The following MCF2 variants were observed in gnomAD, a reference collection of about 807,000 sequenced individuals.
The protein encoded by MCF2 is MCF.2 cell line derived transforming sequence.
In MCF2, 44 loss-of-function variants were observed where a neutral mutation model predicts 82.5. The ratio of observed to expected loss-of-function variants is 0.53; its 90% CI spans 0.42 to 0.69. MCF2 has a LOEUF of 0.69. Among genes scored for constraint, MCF2 ranks in the 30% least tolerant of loss-of-function variants. MCF2 has a pLI of 0.00. For synonymous variants in MCF2, 217 were observed against 224.9 expected (o/e 0.96, Z 0.32); for missense variants, 623 against 663.1 (o/e 0.94, Z 0.66).
chrX:139,669,304 A>G (rs1399178218), intron 1 of MCF2, among the ~76,000 whole-genome samples: 1 of 112,349 alleles, frequency 8.9e-6, no homozygotes, highest in Admixed American at 9.4e-5. Context: ...TTTAGTCATT[A>G]GGAAAATGTA....
At chrX:139,609,544 G>T (rs1400465315) in intron 11 of MCF2, among the ~76,000 whole-genome samples, 2 of 108,860 alleles carry the variant, frequency 1.8e-5, no homozygotes, top group African/African-American at 6.7e-5. Context: ...GCGAGACCCT[G>T]TCTCAAAAAA....
intron 1 of MCF2, among the ~76,000 whole-genome samples, chrX:139,697,729 A>G (rs1315780331): frequency 8.9e-6 from 1 of 112,278 alleles, no homozygotes; most frequent in Non-Finnish European, 1.9e-5. Context: ...ATATGTTGCC[A>G]TTTATAGATC....
chrX:139,583,871 T>C (rs1319017378), intron 24 of MCF2, among the ~76,000 whole-genome samples: 1 of 111,848 alleles, frequency 8.9e-6, no homozygotes, highest in Admixed American at 9.5e-5. Context: ...ACTGCAGGTA[T>C]AGACAATTAA....
chrX:139,689,522 G>A (rs964104745), intron 1 of MCF2, among the ~76,000 whole-genome samples: 1 of 109,833 alleles, frequency 9.1e-6, no homozygotes, highest in South Asian at 4.0e-4. Context: ...CATGCCTTAC[G>A]AGGCCCCTCC....
intron 1 of MCF2, among the ~76,000 whole-genome samples, chrX:139,684,474 A>G (rs767510637): frequency 8.9e-6 from 1 of 112,133 alleles, no homozygotes; most frequent in East Asian, 2.8e-4. Context: ...TTCCACACCT[A>G]GATACATACC....
At chrX:139,630,319 A>G (rs1005691557) in intron 3 of MCF2, among the ~76,000 whole-genome samples, 1 of 111,636 alleles carries the variant, frequency 9.0e-6, no homozygotes, top group Non-Finnish European at 1.9e-5. Context: ...GTGATAATTG[A>G]AGGAAACGGG....
intron 1 of MCF2, among the ~76,000 whole-genome samples, chrX:139,672,185 A>G (rs149526691): frequency 8.9e-6 from 1 of 112,525 alleles, no homozygotes; most frequent in East Asian, 2.8e-4. Context: ...ACTTTGCTGA[A>G]GTTGCTTCTC....
chrX:139,668,853 T>A (rs772838448), intron 1 of MCF2, among the ~76,000 whole-genome samples: 1 of 110,950 alleles, frequency 9.0e-6, no homozygotes, highest in East Asian at 2.8e-4. Context: ...TAACAGGATA[T>A]CTACATATGT....
chrX:139,666,499 AT>A lies in MCF2; in HGVS notation c.-44-14712del, dbSNP rs201470212. Reference sequence around the variant, plus strand: ...ATTGGATATAGTATTCTTGGCTGGTATTTTTTTTCTTTCAGCACTTTACATG... The same window carrying A: ...ATTGGATATAGTATTCTTGGCTGGTATTTTTTTCTTTCAGCACTTTACATG... On this transcript the variant is annotated intron_variant, in intron 1 of 27. Transcript: ENST00000414978. Among the ~76,000 whole-genome samples the A allele has an allele frequency of 4.9e-3, 546 of 110,786 alleles. 3 individuals are homozygous for A. The highest frequency in any genetic ancestry group is 0.016 in the African/African-American group (500 of 30,498).
intron 1 of MCF2, among the ~76,000 whole-genome samples, chrX:139,652,822 G>A (rs1934073262): frequency 9.1e-6 from 1 of 109,462 alleles, no homozygotes; most frequent in Non-Finnish European, 1.9e-5. Context: ...CCTTCTCAGT[G>A]CTCCTCAAAT....
At chrX:139,640,575 A>G (rs767741225) in intron 1 of MCF2, among the ~76,000 whole-genome samples, 155 of 111,291 alleles carry the variant, frequency 1.4e-3, no homozygotes, top group Non-Finnish European at 2.7e-3. Flanking sequence ...CTACCAAGTA[A>G]CTAGTTCAAA....
chrX:139,700,441 G>GGGC (rs1268065095), intron 1 of MCF2, among the ~76,000 whole-genome samples: 2 of 112,038 alleles, frequency 1.8e-5, no homozygotes, highest in African/African-American at 6.5e-5. Context: ...GGAAGAAGAA[G>GGGC]ATAACGATAT....
At chrX:139,649,197 T>C (rs1214748881) in intron 2 of MCF2, among the ~76,000 whole-genome samples, 1 of 112,332 alleles carries the variant, frequency 8.9e-6, no homozygotes, top group Non-Finnish European at 1.9e-5. Context: ...CAAATTATTT[T>C]TTAATCAAAC....
At position 139,586,503 on chromosome X, in the gene MCF2, A is replaced by G. The variant is rs1928978250; in HGVS notation, c.2523-16T>C. On this transcript the variant is annotated splice_polypyrimidine_tract_variant and intron_variant, in intron 22 of 24. Coordinates refer to ENST00000370576, the Ensembl canonical transcript of MCF2. ...CTGTTGCTTTCTGAAATAGTGATGT[A>G]TAAAACTAAGTGAGCTTTTGTACAG... 2 of 1,086,531 alleles carry G rather than the reference A, an allele frequency of 1.8e-6. No individual in the cohort carries two copies. Among genetic ancestry groups the G allele is most frequent in the African/African-American group, 1.8e-5 (1 of 55,399 alleles). The allele number at this position is 1,086,531 out of a possible 1,213,427, so 89.5% of individuals were successfully genotyped here.
chrX:139,692,369 G>A (rs192237164), intron 1 of MCF2, among the ~76,000 whole-genome samples: 1 of 110,369 alleles, frequency 9.1e-6, no homozygotes, highest in East Asian at 2.9e-4. Context: ...GCAGAGGCCC[G>A]AGAGCTCCGC....
chrX:139,651,139 ACTTAATGCCG>A (rs1167771222), intron 2 of MCF2, among the ~76,000 whole-genome samples: 1 of 99,067 alleles, frequency 1.0e-5, no homozygotes, highest in Non-Finnish European at 1.9e-5. Context: ...ATGTAAACGT[ACTTAATGCCG>A]CTGAACTGTA....
chrX:139,625,318 A>G (rs1281439866), intron 6 of MCF2, among the ~76,000 whole-genome samples: 1 of 111,815 alleles, frequency 8.9e-6, no homozygotes, highest in East Asian at 2.8e-4. Flanking sequence ...GTTGGAGACG[A>G]GGGAGAAACA....
At chrX:139,689,817 C>T (rs1238697527) in intron 1 of MCF2, among the ~76,000 whole-genome samples, 1 of 110,261 alleles carries the variant, frequency 9.1e-6, no homozygotes, top group Non-Finnish European at 1.9e-5. Context: ...ATCATTTTCT[C>T]TTCTGGTTGC....
chrX:139,690,533 T>C (rs1160617439), intron 1 of MCF2, among the ~76,000 whole-genome samples: 1 of 110,318 alleles, frequency 9.1e-6, no homozygotes. Flanking sequence ...TAATGATTTA[T>C]TACATCTAGA....
Sources: gnomAD v4.1 joint callset for allele counts (sites outside exome capture counted in the v4.1 genomes callset) on GRCh38, gnomAD v4.1.1 for gene constraint, MANE v1.5 for transcripts, NCBI Gene and HGNC (gene_info 2026-07-23, HGNC 2026-07-21) for gene names.